The following SLC37A1 variants were observed in gnomAD, a reference collection of about 807,000 sequenced individuals.
SLC37A1 encodes glucose-6-phosphate exchanger SLC37A1.
SLC37A1 carries 49 observed loss-of-function variants against 75.3 expected under a neutral mutation model. The ratio of observed to expected loss-of-function variants is 0.65; its 90% CI spans 0.52 to 0.83. The LOEUF (loss-of-function observed/expected upper bound fraction) is 0.83. Among genes scored for constraint, SLC37A1 ranks in the 40% least tolerant of loss-of-function variants. The pLI is 0.00. For synonymous variants in SLC37A1, 268 were observed against 292.1 expected (o/e 0.92, Z 0.84); for missense variants, 566 against 695.0 (o/e 0.81, Z 2.09).
Position 42,534,419 on chromosome 21 carries a change from G to A in SLC37A1, c.139-279G>A, listed in dbSNP as rs141758921. Reference sequence around the variant, plus strand: ...AGCTCTTAGAACTAAAACTGCTCCCGAGGCTCGTCTTCTGGTGGCATATGA... The same window carrying A: ...AGCTCTTAGAACTAAAACTGCTCCCAAGGCTCGTCTTCTGGTGGCATATGA... On this transcript the variant is annotated intron_variant, in intron 3 of 19. Coordinates refer to ENST00000352133, the MANE Select transcript of SLC37A1 (RefSeq NM_001320537.2). Among the ~76,000 whole-genome samples the A allele has an allele frequency of 4.2e-3, 639 of 152,266 alleles. 2 individuals carry two copies. Among genetic ancestry groups the A allele is most frequent in the Admixed American group, 6.6e-3 (101 of 15,282 alleles).
intron 3 of SLC37A1, among the ~76,000 whole-genome samples, chr21:42,526,292 C>A (rs750939149): frequency 8.5e-5 from 13 of 152,170 alleles, no homozygotes; most frequent in Admixed American, 6.5e-4. Context: ...AGTTGTTAAG[C>A]AGGTGTTCTA....
At chr21:42,573,672 GA>G (rs1481773094) in intron 17 of SLC37A1, among the ~76,000 whole-genome samples, 1 of 151,762 alleles carries the variant, frequency 6.6e-6, no homozygotes, top group Non-Finnish European at 1.5e-5. Flanking sequence ...GTGAACACTT[GA>G]AAAAAACAAG....
Position 42,539,466 on chromosome 21 carries a change from G to A in SLC37A1, c.351-46G>A, listed in dbSNP as rs140922136. ...AACAGCCACGAGGTTGCTAACATTC[G>A]GGCGTGTTTGTTATTCCTATTTGTC... is the stretch of plus-strand genomic sequence containing the variant. On this transcript the variant is annotated intron_variant, in intron 5 of 19. Coordinates refer to ENST00000352133, the MANE Select transcript of SLC37A1 (RefSeq NM_001320537.2). 17 of 1,570,634 alleles carry A rather than the reference G, an allele frequency of 1.1e-5. No homozygotes were observed. In the African/African-American group the frequency reaches 1.6e-4, roughly 15 times the overall value.
intron 3 of SLC37A1, among the ~76,000 whole-genome samples, chr21:42,527,067 G>A (rs939364507): frequency 4.6e-5 from 7 of 152,218 alleles, no homozygotes; most frequent in Non-Finnish European, 7.3e-5. Flanking sequence ...GAAGGATCTG[G>A]TGTAGTTGGG....
At chr21:42,532,915 C>T (rs2055026618) in intron 3 of SLC37A1, among the ~76,000 whole-genome samples, 1 of 152,198 alleles carries the variant, frequency 6.6e-6, no homozygotes, top group Non-Finnish European at 1.5e-5. Context: ...TTAATTATAG[C>T]AGAACAGCCC....
chr21:42,564,711 G>A lies in SLC37A1; in HGVS notation c.1139G>A (p.Gly380Glu), dbSNP rs1472581025. The A allele has an allele frequency of 2.5e-6, 4 of 1,611,164 alleles. No homozygotes were observed. The highest frequency in any genetic ancestry group is 3.4e-6 in the Non-Finnish European group (4 of 1,179,834). The stretch of plus-strand genomic sequence containing the variant: ...GAAGCCCGCCTCTCCGTTGCAGGTG[G>A]GATCCTGGCAGGTGTGATCTCAGAC... ...TLFDVGGIFG[G>E]ILAGVISDRL... The change falls in exon 14 of 20, where the codon GGG becomes GAG. Residue 380 changes from glycine to glutamate, a missense_variant. Gly to Glu is a moderately conservative substitution (Grantham distance 98, BLOSUM62 -2). Transcript: ENST00000352133.
At chr21:42,543,371 T>A in intron 7 of SLC37A1, 65 bp from the exon 8 acceptor site, 1 of 1,595,880 alleles carries the variant, frequency 6.3e-7, no homozygotes, top group South Asian at 1.1e-5. Context: ...TGCTGCGCCC[T>A]GCACTGCTGG....
chr21:42,554,032 T>G (rs778648950), intron 9 of SLC37A1, 30 bp from the exon 10 acceptor site: 6 of 1,572,506 alleles, frequency 3.8e-6, no homozygotes, highest in Non-Finnish European at 3.5e-6. Context: ...TGAATCAGTA[T>G]CGCTCTAATG....
At position 42,563,551 on chromosome 21, in the gene SLC37A1, G is replaced by A. The variant is rs2055890655; in HGVS notation, c.1073-264G>A. ...TGTCCTGTGTTAATCTAACTTTATG[G>A]CGGAGGGGCCCCTGGGGGGGTCTCT... On this transcript the variant is annotated intron_variant, in intron 12 of 19. Transcript: ENST00000352133. 2.0e-5 allele frequency among the ~76,000 whole-genome samples: 3 copies of A among 152,204 alleles called. No individual in the cohort carries two copies. In the South Asian group the frequency reaches 6.2e-4, roughly 32 times the overall value.
At chr21:42,556,794 T>C (rs1259850478) in intron 10 of SLC37A1, among the ~76,000 whole-genome samples, 1 of 151,320 alleles carries the variant, frequency 6.6e-6, no homozygotes, top group Non-Finnish European at 1.5e-5. Flanking sequence ...CCTGTTTGTT[T>C]TGGAAAACCA....
intron 11 of SLC37A1, among the ~76,000 whole-genome samples, 155 bp downstream of exon 11, chr21:42,559,244 C>G (rs2055765901): frequency 6.6e-6 from 1 of 152,252 alleles, no homozygotes; most frequent in Non-Finnish European, 1.5e-5. Context: ...ACAGTGCTAG[C>G]TTCAGGACTG....
chr21:42,555,337 CAGAA>C (rs2055662345), intron 10 of SLC37A1, among the ~76,000 whole-genome samples: 1 of 152,188 alleles, frequency 6.6e-6, no homozygotes, highest in East Asian at 1.9e-4. Flanking sequence ...TCTCCTCTGT[CAGAA>C]AGACCCCTCC....
intron 16 of SLC37A1, among the ~76,000 whole-genome samples, chr21:42,567,584 A>G (rs1193881246): frequency 1.3e-5 from 2 of 152,204 alleles, no homozygotes; most frequent in Non-Finnish European, 2.9e-5. Context: ...GGCAGAGGAG[A>G]GACTTTCACT....
At chr21:42,531,426 A>G (rs1441707572) in intron 3 of SLC37A1, among the ~76,000 whole-genome samples, 4 of 152,006 alleles carry the variant, frequency 2.6e-5, no homozygotes, top group African/African-American at 9.7e-5. Context: ...CCCGCCTCAC[A>G]TAAGTGTGGA....
At chr21:42,518,581 G>A in intron 2 of SLC37A1, 71 bp downstream of exon 2, 8 of 1,530,148 alleles carry the variant, frequency 5.2e-6, no homozygotes, top group Admixed American at 1.7e-5. Flanking sequence ...AGGTAGTTGT[G>A]TTGCCCCAGT....
intron 17 of SLC37A1, among the ~76,000 whole-genome samples, chr21:42,572,204 C>G (rs2056190499): frequency 6.6e-6 from 1 of 152,144 alleles, no homozygotes; most frequent in Non-Finnish European, 1.5e-5. Context: ...CATTCTGACC[C>G]CAGCCCTTGC....
intron 16 of SLC37A1, among the ~76,000 whole-genome samples, chr21:42,567,490 G>T (rs1319649282): frequency 6.6e-6 from 1 of 152,220 alleles, no homozygotes; most frequent in Non-Finnish European, 1.5e-5. Context: ...GCGTGAGCAT[G>T]CAGACTTGTG....
At chr21:42,517,517 G>T (rs1434994078) in intron 1 of SLC37A1, among the ~76,000 whole-genome samples, 1 of 152,138 alleles carries the variant, frequency 6.6e-6, no homozygotes, top group Non-Finnish European at 1.5e-5. Flanking sequence ...CACTTTCGAG[G>T]GAGGCAAAAG....
intron 17 of SLC37A1, among the ~76,000 whole-genome samples, chr21:42,573,169 C>T (rs1358354396): frequency 4.6e-5 from 7 of 152,124 alleles, no homozygotes; most frequent in Non-Finnish European, 7.3e-5. Flanking sequence ...CTGTCCTGCA[C>T]GGGGGCATCA....
Sources: allele counts gnomAD v4.1 joint callset (sites outside exome capture counted in the v4.1 genomes callset), GRCh38; gene constraint gnomAD v4.1.1; transcripts MANE v1.5; gene names NCBI Gene and HGNC (gene_info 2026-07-23, HGNC 2026-07-21).